Variants in HCRTR1 observed in about 807,000 individuals in gnomAD.
HCRTR1 encodes hypocretin receptor 1.
Under a neutral mutation model 40.6 loss-of-function variants are expected in HCRTR1, and 28 were observed. The observed-to-expected ratio is 0.69, with a 90% confidence interval of 0.51 to 0.95. The LOEUF (loss-of-function observed/expected upper bound fraction) is 0.95. HCRTR1 is among the 40% of genes least tolerant of loss of function. HCRTR1 has a pLI of 0.00. For missense variants in HCRTR1, 482 were observed against 564.7 expected (o/e 0.85, Z 1.48); for synonymous variants, 209 against 230.0 (o/e 0.91, Z 0.83).
At chr1:31,620,038 G>A (rs867535177) in intron 4 of HCRTR1, among the ~76,000 whole-genome samples, 37 of 152,268 alleles carry the variant, frequency 2.4e-4, no homozygotes, top group Non-Finnish European at 4.9e-4. Flanking sequence ...ACACATACAC[G>A]ACACCCTAGG....
rs1639792943 is a variant in HCRTR1 at position 31,619,147 on chromosome 1, T to G, written c.-46T>G. 1.3e-6 allele frequency: 2 copies of G among 1,555,696 alleles called. No individual in the cohort carries two copies. The highest frequency in any genetic ancestry group is 3.4e-5 in the Admixed American group (2 of 58,340). On this transcript the variant is annotated 5_prime_UTR_variant, in exon 3 of 9. Transcript: ENST00000403528. The stretch of plus-strand genomic sequence containing the variant: ...GCTGGCCCAAGCTCCCTCCTCTCCC[T>G]CTGTAGAGCCTAGGATGCCCCTCTG...
rs748302073 is a variant in HCRTR1 at position 31,619,296 on chromosome 1, T to G, written c.104T>G (p.Leu35Arg). The G allele has an allele frequency of 2.5e-6, 4 of 1,614,194 alleles. No individual in the cohort carries two copies. Among genetic ancestry groups the G allele is most frequent in the Non-Finnish European group, 1.7e-6 (2 of 1,180,014 alleles). ...TATGAAGATGAGTTTCTCCGCTATCTGTGGCGCGATTATCTGTACCCAAAA... is the reference window on the plus strand; with the variant it reads ...TATGAAGATGAGTTTCTCCGCTATCGGTGGCGCGATTATCTGTACCCAAAA... ...PDYEDEFLRY[L>R]WRDYLYPKQY... The change falls in exon 3 of 9, where the codon CTG becomes CGG. Residue 35 changes from leucine (L) to arginine (R), a missense_variant. Transcript: ENST00000403528.
In HCRTR1 at chr1:31,625,163, C is replaced by T. The variant is rs199642972; in HGVS notation, c.1087+45C>T. 1 of 1,544,796 alleles carries T rather than the reference C, an allele frequency of 6.5e-7. No homozygotes were observed. The highest frequency in any genetic ancestry group is 8.8e-7 in the Non-Finnish European group (1 of 1,138,582). ...AAAATGACTGAGGGTGGCCAACAGTCCACATGACAAGTCTCCCCATCCCCA... is the reference window on the plus strand; with the variant it reads ...AAAATGACTGAGGGTGGCCAACAGTTCACATGACAAGTCTCCCCATCCCCA... On this transcript the variant is annotated intron_variant, in intron 8 of 8. Coordinates refer to ENST00000403528, the MANE Select transcript of HCRTR1 (RefSeq NM_001525.3). This position sits in a 1 kb window ranked among gnomAD's most constrained non-coding sequence, Gnocchi z 4.2.
chr1:31,620,995 G>T lies in HCRTR1; in HGVS notation c.531G>T (p.Val177=), dbSNP rs113537439. ...GGGCTGTGTCGCTGGCCATCATGGT[G>T]CCCCAGGCTGCAGTCATGGAATGCA... is the stretch of plus-strand genomic sequence containing the variant. ...GIWAVSLAIM[V]PQAAVMECSS... The change falls in exon 5 of 9, where the codon GTG becomes GTT. Residue 177 remains valine (V), a synonymous_variant. Coordinates refer to ENST00000403528, the MANE Select transcript of HCRTR1 (RefSeq NM_001525.3). 5.6e-6 allele frequency: 9 copies of T among 1,613,818 alleles called. No individual in the cohort carries two copies. The highest frequency in any genetic ancestry group is 7.6e-6 in the Non-Finnish European group (9 of 1,180,036).
chr1:31,632,357 C>T (rs746808790), downstream of HCRTR1: 36 of 1,432,682 alleles, frequency 2.5e-5, no homozygotes, highest in Non-Finnish European at 2.5e-5. Flanking sequence ...GTGAGGGATG[C>T]AGGCCTGCAC....
chr1:31,620,323 G>A (rs1008683051), intron 4 of HCRTR1, among the ~76,000 whole-genome samples: 5 of 152,250 alleles, frequency 3.3e-5, no homozygotes, highest in African/African-American at 1.2e-4. Context: ...CTAACAGCCT[G>A]GGGAAGGGAT....
rs199828636 is a variant in HCRTR1, at chr1:31,619,138, T to C, written c.-55T>C. ...GGGCTGAGGGCTGGCCCAAGCTCCC[T>C]CCTCTCCCTCTGTAGAGCCTAGGAT... On this transcript the variant is annotated 5_prime_UTR_variant, in exon 3 of 9. Coordinates refer to ENST00000403528, the MANE Select transcript of HCRTR1 (RefSeq NM_001525.3). 1 of 1,516,364 alleles carries C rather than the reference T, an allele frequency of 6.6e-7. No homozygotes were observed. Among genetic ancestry groups the C allele is most frequent in the Non-Finnish European group, 9.0e-7 (1 of 1,113,586 alleles). 93.9% of individuals were successfully genotyped at this position (1,516,364 alleles called of 1,614,324 possible).
downstream of HCRTR1, chr1:31,629,785 G>A (rs1421369680): frequency 1.3e-5 from 2 of 152,288 alleles, no homozygotes; most frequent in African/African-American, 4.8e-5. Flanking sequence ...ATGGCGTGGT[G>A]TATAGGATGT....
intron 7 of HCRTR1, 35 bp downstream of exon 7, chr1:31,623,784 G>A (rs754869180): frequency 1.9e-6 from 3 of 1,540,372 alleles, no homozygotes; most frequent in Non-Finnish European, 1.8e-6. Context: ...GTGGGGAGAA[G>A]TTTGAGGTTG....
chr1:31,627,399 GC>G lies in HCRTR1; in HGVS notation c.*420del, dbSNP rs1400720637. The G allele has an allele frequency of 2.4e-6, 3 of 1,263,094 alleles. No individual in the cohort carries two copies. The East Asian group carries it at 1.7e-4, about 70-fold the overall frequency. The allele number at this position is 1,263,094 out of a possible 1,614,324, so 78.2% of individuals were successfully genotyped here. ...CCATGGCTCCCTGAAGCCCAGGGCT[GC>G]ACTTGGCCAGCTGTTCTGATGCCTG... On this transcript the variant is annotated 3_prime_UTR_variant, in exon 9 of 9. Coordinates refer to ENST00000403528, the MANE Select transcript of HCRTR1 (RefSeq NM_001525.3).
At chr1:31,630,795 G>T, downstream of HCRTR1, 1 of 1,613,230 alleles carries the variant, frequency 6.2e-7, no homozygotes, top group Non-Finnish European at 8.5e-7. Flanking sequence ...CGGGAGACCA[G>T]AAGCTGGGTG....
Position 31,627,466 on chromosome 1 carries a change from G to C in HCRTR1, c.*486G>C. The stretch of plus-strand genomic sequence containing the variant: ...GCCCAGCCTTTCTCCAGCGGGCCAC[G>C]AGCACAGCCCCACCCTAACCAGGTG... On this transcript the variant is annotated 3_prime_UTR_variant, in exon 9 of 9. Coordinates refer to ENST00000403528, the MANE Select transcript of HCRTR1 (RefSeq NM_001525.3). 1.2e-6 allele frequency: 1 copy of C among 814,070 alleles called. No homozygotes were observed. Among genetic ancestry groups the C allele is most frequent in the Non-Finnish European group, 1.8e-6 (1 of 555,868 alleles). 50.4% of individuals were successfully genotyped at this position (814,070 alleles called of 1,614,324 possible).
downstream of HCRTR1, among the ~76,000 whole-genome samples, chr1:31,631,926 T>TC (rs35573576): frequency 0.54 from 82,301 of 151,834 alleles, 23,421 homozygotes; most frequent in Non-Finnish European, 0.63. Context: ...TCTTGGGTCC[T>TC]CCCCCAACCT....
chr1:31,627,671 A>T (rs559152380), downstream of HCRTR1: 3 of 282,176 alleles, frequency 1.1e-5, no homozygotes, highest in South Asian at 6.5e-5. Context: ...GAGCAGAAGA[A>T]GGTGGGGAAG....
At position 31,626,048 on chromosome 1, in the gene HCRTR1, T is replaced by C. The variant is rs536465848; in HGVS notation, c.1088-742T>C. ...GACACATATGCCTTTGTTTGGCCTA[T>C]GTTTACTGAGCACCTACTATGTGCT... On this transcript the variant is annotated intron_variant, in intron 8 of 8. Coordinates refer to ENST00000403528, the MANE Select transcript of HCRTR1 (RefSeq NM_001525.3). This position sits in a 1 kb window ranked among gnomAD's most constrained non-coding sequence, Gnocchi z 4.6. Among the ~76,000 whole-genome samples the C allele has an allele frequency of 2.6e-5, 4 of 152,096 alleles. No individual in the cohort carries two copies. Among genetic ancestry groups the C allele is most frequent in the African/African-American group, 9.6e-5 (4 of 41,558 alleles).
At chr1:31,631,230 G>A (rs1330576536), downstream of HCRTR1, among the ~76,000 whole-genome samples, 1 of 152,222 alleles carries the variant, frequency 6.6e-6, no homozygotes, top group Non-Finnish European at 1.5e-5. Flanking sequence ...AGAGGTATGA[G>A]GACCTGCTCT....
downstream of HCRTR1, chr1:31,630,508 T>G: frequency 8.7e-7 from 1 of 1,144,394 alleles, no homozygotes; most frequent in Non-Finnish European, 1.3e-6. Flanking sequence ...CAAGGGAGAA[T>G]GTTCTTCTAG....
At chr1:31,633,193 A>C (rs1640161922), downstream of HCRTR1, 6 of 1,613,950 alleles carry the variant, frequency 3.7e-6, no homozygotes, top group Non-Finnish European at 5.1e-6. Flanking sequence ...CATTGAATGA[A>C]GACCAATTGC....
chr1:31,619,905 C>A (rs973511139), intron 4 of HCRTR1, among the ~76,000 whole-genome samples, 195 bp downstream of exon 4: 10 of 152,196 alleles, frequency 6.6e-5, no homozygotes, highest in Non-Finnish European at 1.0e-4. Context: ...CACAACCCCA[C>A]ACACTCACAG....
Sources: gnomAD v4.1 joint callset for allele counts (sites outside exome capture counted in the v4.1 genomes callset) on GRCh38, gnomAD v4.1.1 for gene constraint, Gnocchi (gnomAD v3.1) non-coding constraint, MANE v1.5 for transcripts, NCBI Gene and HGNC (gene_info 2026-07-23, HGNC 2026-07-21) for gene names.